TRIM67: variants seen among roughly 807,000 people sequenced by gnomAD.
TRIM67 encodes the protein tripartite motif containing 67.
TRIM67 carries 39 observed loss-of-function variants against 71.0 expected under a neutral mutation model. That is an observed-to-expected ratio of 0.55 (90% CI 0.43 to 0.72). TRIM67 has a LOEUF of 0.72. TRIM67 is among the 30% of genes least tolerant of loss of function. TRIM67 has a pLI of 0.00. For missense variants in TRIM67, 973 were observed against 1,079.2 expected, an observed-to-expected ratio of 0.90 and a Z score of 1.38; for synonymous variants, 481 against 473.9, an observed-to-expected ratio of 1.01 and a Z score of -0.19.
intron 1 of TRIM67, among the ~76,000 whole-genome samples, chr1:231,169,991 C>CTTTTTTTTTTTTT (rs1342320930): frequency 0.032 from 4,053 of 127,022 alleles, 100 homozygotes; most frequent in East Asian, 0.14. Flanking sequence ...TTTTCTTTCT[C>CTTTTTTTTTTTTT]TCTTTTTTTT....
Position 231,206,662 on chromosome 1 carries a change from T to C in TRIM67, c.1691T>C (p.Val564Ala). 1 of 1,602,970 alleles carries C rather than the reference T, an allele frequency of 6.2e-7. No individual in the cohort carries two copies. The highest frequency in any genetic ancestry group is 8.5e-7 in the Non-Finnish European group (1 of 1,174,966). Residue 564 changes from valine (V) to alanine (A), a missense_variant, in exon 7 of 10, where the codon GTC (valine) becomes GCC (alanine). By Grantham distance (64) the Val-to-Ala change is moderately conservative. Coordinates refer to ENST00000366653, the MANE Select transcript of TRIM67 (RefSeq NM_001004342.5). The stretch of plus-strand genomic sequence containing the variant: ...ATTGCTCTCTTTCAGGAAGTGTACG[T>C]CGGTAAGGAGACTTTGTGTACCATC... ...GAGGQFREVY[V>A]GKETLCTIDG...
rs1684076254 is a variant in TRIM67 at position 231,218,845 on chromosome 1, C to T, written c.*3405C>T. Reference sequence around the variant, plus strand: ...TCACCAAGAGAGCTGGGGGCAGGCCCACCCTCCTCTTTGCGCCCTTTCTCT... The same window carrying T: ...TCACCAAGAGAGCTGGGGGCAGGCCTACCCTCCTCTTTGCGCCCTTTCTCT... On this transcript the variant is annotated 3_prime_UTR_variant, in exon 10 of 10. Coordinates refer to ENST00000366653, the MANE Select transcript of TRIM67 (RefSeq NM_001004342.5). 1.0e-6 allele frequency: 1 copy of T among 985,452 alleles called. No homozygotes were observed. The highest frequency in any genetic ancestry group is 1.2e-6 in the Non-Finnish European group (1 of 829,938). 61.0% of individuals were successfully genotyped at this position (985,452 alleles called of 1,614,324 possible).
chr1:231,193,538 CT>C (rs1683291471), intron 1 of TRIM67, among the ~76,000 whole-genome samples: 1 of 151,534 alleles, frequency 6.6e-6, no homozygotes, highest in South Asian at 2.1e-4. Flanking sequence ...CTCTCTCTCT[CT>C]CTCTCTCTCT....
chr1:231,219,908 T>C lies in TRIM67; in HGVS notation c.*4468T>C, dbSNP rs771431162. 2.2e-5 allele frequency: 29 copies of C among 1,289,916 alleles called. No homozygotes were observed. The Middle Eastern group carries it at 3.0e-3, about 133-fold the overall frequency. The allele number at this position is 1,289,916 out of a possible 1,614,324, so 79.9% of individuals were successfully genotyped here. Reference sequence around the variant, plus strand: ...GAGGGCAGGTTTCGGGCAGGATGTATTGATCAGACACCAAGTTCAGCCCTC... The same window carrying C: ...GAGGGCAGGTTTCGGGCAGGATGTACTGATCAGACACCAAGTTCAGCCCTC... On this transcript the variant is annotated 3_prime_UTR_variant, in exon 10 of 10. Coordinates refer to ENST00000366653, the MANE Select transcript of TRIM67 (RefSeq NM_001004342.5).
chr1:231,219,789 G>T lies in TRIM67; in HGVS notation c.*4349G>T. The T allele has an allele frequency of 8.0e-7, 1 of 1,246,622 alleles. No homozygotes were observed. The highest frequency in any genetic ancestry group is 1.5e-5 in the African/African-American group (1 of 64,520). 77.2% of individuals were successfully genotyped at this position (1,246,622 alleles called of 1,614,324 possible). On this transcript the variant is annotated 3_prime_UTR_variant, in exon 10 of 10. Transcript: ENST00000366653. ...GGACTTTTCTTTTGCAAGTGAGCCGGTAGCTGTGTTTGTTGACCACATTCT... is the reference window on the plus strand; with the variant it reads ...GGACTTTTCTTTTGCAAGTGAGCCGTTAGCTGTGTTTGTTGACCACATTCT...
Position 231,163,898 on chromosome 1 carries a change from A to G in TRIM67, c.929A>G (p.Asn310Ser), listed in dbSNP as rs1682376529. The G allele has an allele frequency of 6.3e-7, 1 of 1,586,194 alleles. No homozygotes were observed. The highest frequency in any genetic ancestry group is 8.6e-7 in the Non-Finnish European group (1 of 1,166,904). Residue 310 changes from asparagine to serine, a missense_variant, in exon 1 of 10, where the codon AAC (asparagine) becomes AGC (serine). This residue lies in a region of TRIM67 where 795 missense variants were observed against 831.3 expected (regional missense o/e 0.96). Transcript: ENST00000366653. Reference sequence around the variant, plus strand: ...ACGTGTCCCGAGCATGAAATGGAGAACTACAGCATGTACTGCGTGAGCTGT... The same window carrying G: ...ACGTGTCCCGAGCATGAAATGGAGAGCTACAGCATGTACTGCGTGAGCTGT... ...FPTCPEHEME[N>S]YSMYCVSCRT...
intron 1 of TRIM67, among the ~76,000 whole-genome samples, chr1:231,175,468 G>A (rs1441529083): frequency 6.6e-6 from 1 of 152,206 alleles, no homozygotes; most frequent in Non-Finnish European, 1.5e-5. Flanking sequence ...CAGAGATGGA[G>A]AACAGTTTAT....
At chr1:231,184,384 GAACA>G (rs1161992280) in intron 1 of TRIM67, 1 of 152,282 alleles carries the variant, frequency 6.6e-6, no homozygotes, top group Non-Finnish European at 1.5e-5. Flanking sequence ...GTGTGAGCAG[GAACA>G]GACAGCTAAG....
chr1:231,219,926 C>T lies in TRIM67; in HGVS notation c.*4486C>T, dbSNP rs969234117. ...GGATGTATTGATCAGACACCAAGTT[C>T]AGCCCTCGGTTACTTCCCTCTTTTA... On this transcript the variant is annotated 3_prime_UTR_variant, in exon 10 of 10. Coordinates refer to ENST00000366653, the MANE Select transcript of TRIM67 (RefSeq NM_001004342.5). 1.6e-6 allele frequency: 2 copies of T among 1,289,876 alleles called. No individual in the cohort carries two copies. The allele number at this position is 1,289,876 out of a possible 1,614,324, so 79.9% of individuals were successfully genotyped here. A position where few individuals can be genotyped will look rare whatever the true frequency, so the allele number is the denominator to read the frequency against.
At position 231,163,799 on chromosome 1, in the gene TRIM67, G is replaced by T; in HGVS notation, c.830G>T (p.Gly277Val). ...GGCACCGCCCAGGGCGCCCCCAGCG[G>T]AGGCGGCGGCTGCAAGAGCCCGGGA... is the stretch of plus-strand genomic sequence containing the variant. ...PTGTAQGAPS[G>V]GGGCKSPGGA... The change falls in exon 1 of 10, where the codon GGA becomes GTA. Residue 277 changes from glycine (G) to valine (V), a missense_variant. Coordinates refer to ENST00000366653, the MANE Select transcript of TRIM67 (RefSeq NM_001004342.5). 6.7e-7 allele frequency: 1 copy of T among 1,492,934 alleles called. No individual in the cohort carries two copies. Among genetic ancestry groups the T allele is most frequent in the Non-Finnish European group, 8.9e-7 (1 of 1,117,492 alleles). The allele number at this position is 1,492,934 out of a possible 1,614,324, so 92.5% of individuals were successfully genotyped here.
At chr1:231,195,190 C>G (rs1683335340) in intron 1 of TRIM67, among the ~76,000 whole-genome samples, 1 of 152,182 alleles carries the variant, frequency 6.6e-6, no homozygotes, top group African/African-American at 2.4e-5. Context: ...AATCCAGAAG[C>G]CTGCCAAATG....
Position 231,162,813 on chromosome 1 carries a change from G to C in TRIM67, c.-157G>C. The C allele has an allele frequency of 1.1e-6, 1 of 932,936 alleles. No individual in the cohort carries two copies. Among genetic ancestry groups the C allele is most frequent in the Non-Finnish European group, 1.6e-6 (1 of 639,468 alleles). 57.8% of individuals were successfully genotyped at this position (932,936 alleles called of 1,614,324 possible). A position where few individuals can be genotyped will look rare whatever the true frequency, so the allele number is the denominator to read the frequency against. On this transcript the variant is annotated 5_prime_UTR_variant, in exon 1 of 10. Coordinates refer to ENST00000366653, the MANE Select transcript of TRIM67 (RefSeq NM_001004342.5). The stretch of plus-strand genomic sequence containing the variant: ...CTTAGGGCGGTGGCTACAGGACAGA[G>C]AGAGGGGCGTGCCCCTCGGCTGTGA...
chr1:231,201,626 AG>A, intron 5 of TRIM67, 109 bp downstream of exon 5: 1 of 1,348,098 alleles, frequency 7.4e-7, no homozygotes, highest in East Asian at 2.5e-5. Flanking sequence ...GGAGTGTGGC[AG>A]GGTGGGAGAG....
At chr1:231,169,720 A>G (rs922705510) in intron 1 of TRIM67, among the ~76,000 whole-genome samples, 1 of 152,032 alleles carries the variant, frequency 6.6e-6, no homozygotes, top group African/African-American at 2.4e-5. Context: ...TACCAACTCT[A>G]AAGTTCTGGG....
At chr1:231,187,516 C>T (rs1402173769) in intron 1 of TRIM67, 2 of 1,530,040 alleles carry the variant, frequency 1.3e-6, no homozygotes, top group Non-Finnish European at 1.7e-6. Context: ...AAAAACAATA[C>T]CTTAGCACTG....
chr1:231,173,996 T>C (rs972224837), intron 1 of TRIM67, among the ~76,000 whole-genome samples: 1 of 152,114 alleles, frequency 6.6e-6, no homozygotes, highest in African/African-American at 2.4e-5. Context: ...GGAAAATTTT[T>C]ATGTACTATC....
At chr1:231,205,346 G>C (rs1683665201) in intron 6 of TRIM67, among the ~76,000 whole-genome samples, 2 of 152,208 alleles carry the variant, frequency 1.3e-5, no homozygotes, top group African/African-American at 4.8e-5. Flanking sequence ...AATGACATGG[G>C]AGAGGCAAAA....
intron 1 of TRIM67, among the ~76,000 whole-genome samples, chr1:231,175,237 C>T (rs558489527): frequency 2.6e-5 from 4 of 152,188 alleles, no homozygotes; most frequent in Non-Finnish European, 5.9e-5. Flanking sequence ...GAGTGTTTGT[C>T]CTGCACACAG....
At chr1:231,207,700 T>C (rs1683743622) in intron 7 of TRIM67, among the ~76,000 whole-genome samples, 1 of 152,166 alleles carries the variant, frequency 6.6e-6, no homozygotes, top group Admixed American at 6.5e-5. Context: ...CCAGGGACAC[T>C]TTTCTGAAAA....
Sources: gnomAD v4.1 joint callset for allele counts (sites outside exome capture counted in the v4.1 genomes callset) on GRCh38, gnomAD v4.1.1 for gene constraint, gnomAD v4.1.1 regional missense constraint, MANE v1.5 for transcripts, NCBI Gene and HGNC (gene_info 2026-07-23, HGNC 2026-07-21) for gene names.